Variants in PCDH9 observed in about 807,000 individuals in gnomAD.
The protein encoded by PCDH9 is protocadherin 9.
PCDH9 carries 24 observed loss-of-function variants against 70.6 expected under a neutral mutation model. That is an observed-to-expected ratio of 0.34 (90% CI 0.25 to 0.48). The LOEUF (loss-of-function observed/expected upper bound fraction) is 0.48. PCDH9 is among the 20% of genes least tolerant of loss of function. The pLI is 0.99. For synonymous variants in PCDH9, 562 were observed against 558.5 expected (o/e 1.01, Z -0.09); for missense variants, 1,281 against 1,503.6 (o/e 0.85, Z 2.45).
At chr13:67,139,796 C>A (rs1032621556) in intron 2 of PCDH9, among the ~76,000 whole-genome samples, 22 of 152,240 alleles carry the variant, frequency 1.4e-4, no homozygotes, top group Middle Eastern at 3.4e-3. Context: ...GAAATAAAGT[C>A]ATTATGTTTT....
At chr13:67,205,038 A>C (rs2089304894) in intron 2 of PCDH9, 1 of 152,236 alleles carries the variant, frequency 6.6e-6, no homozygotes, top group Admixed American at 6.5e-5. Flanking sequence ...TCTAAACATG[A>C]CTCTTTAAAC....
At chr13:66,989,665 G>T (rs1057011956) in intron 2 of PCDH9, among the ~76,000 whole-genome samples, 4 of 151,688 alleles carry the variant, frequency 2.6e-5, no homozygotes, top group Non-Finnish European at 1.5e-5. Context: ...ACGATCCTGT[G>T]TACTTGTGAA....
intron 3 of PCDH9, among the ~76,000 whole-genome samples, chr13:66,814,771 A>G (rs2080571146): frequency 6.6e-6 from 1 of 152,194 alleles, no homozygotes; most frequent in Non-Finnish European, 1.5e-5. Flanking sequence ...AGATATATTA[A>G]AGACTTAAAT....
intron 3 of PCDH9, among the ~76,000 whole-genome samples, chr13:66,771,470 A>G (rs908592902): frequency 5.9e-5 from 9 of 152,086 alleles, no homozygotes; most frequent in Non-Finnish European, 1.2e-4. Context: ...TTTACATTTG[A>G]CAAGAGAGGC....
rs530465176 is a variant in PCDH9 at position 67,131,276 on chromosome 13, G to A, written c.3036+94129C>T. On this transcript the variant is annotated intron_variant, in intron 2 of 4. Coordinates refer to ENST00000377865, the MANE Select transcript of PCDH9 (RefSeq NM_203487.3). ...TGTGAGGATTGTAGAAGAGATGAAA[G>A]AAATGGCTGTATTAGACAGTCCCAT... Among the ~76,000 whole-genome samples, 268 of 152,188 alleles carry A rather than the reference G, an allele frequency of 1.8e-3. 1 individual carries two copies. The highest frequency in any genetic ancestry group is 3.4e-3 in the Non-Finnish European group (228 of 68,010).
At chr13:66,429,279 A>C (rs1957727141) in intron 4 of PCDH9, among the ~76,000 whole-genome samples, 1 of 151,874 alleles carries the variant, frequency 6.6e-6, no homozygotes, top group Admixed American at 6.6e-5. Context: ...ACCCAAAAGA[A>C]TTCAGTGTAT....
At chr13:66,592,646 C>G (rs1212867039) in intron 4 of PCDH9, among the ~76,000 whole-genome samples, 1 of 151,644 alleles carries the variant, frequency 6.6e-6, no homozygotes, top group African/African-American at 2.4e-5. Flanking sequence ...GTGTTTTTTA[C>G]TATAACTGGT....
intron 3 of PCDH9, among the ~76,000 whole-genome samples, chr13:66,822,733 C>T (rs2080736185): frequency 6.6e-6 from 1 of 151,940 alleles, no homozygotes; most frequent in African/African-American, 2.4e-5. Flanking sequence ...ACCATGTTGG[C>T]CCCTGACCTA....
At chr13:67,107,758 A>G (rs560917942) in intron 2 of PCDH9, among the ~76,000 whole-genome samples, 2 of 152,308 alleles carry the variant, frequency 1.3e-5, no homozygotes, top group East Asian at 3.9e-4. Context: ...AACAGCTGTA[A>G]TACAAACAGG....
intron 3 of PCDH9, among the ~76,000 whole-genome samples, chr13:66,647,781 T>C (rs1185230098): frequency 6.6e-6 from 1 of 151,988 alleles, no homozygotes; most frequent in Non-Finnish European, 1.5e-5. Flanking sequence ...CATTGGCTGT[T>C]AGACAGCATT....
At chr13:66,959,931 A>G (rs1415315731) in intron 2 of PCDH9, among the ~76,000 whole-genome samples, 1 of 152,130 alleles carries the variant, frequency 6.6e-6, no homozygotes, top group African/African-American at 2.4e-5. Flanking sequence ...TTCTGAACCC[A>G]TTTAACTTCC....
chr13:66,680,051 G>A (rs1302741162), intron 3 of PCDH9, among the ~76,000 whole-genome samples: 3 of 151,872 alleles, frequency 2.0e-5, no homozygotes, highest in African/African-American at 7.2e-5. Flanking sequence ...GTGTTTAAGA[G>A]TTCAGATTCC....
intron 3 of PCDH9, among the ~76,000 whole-genome samples, chr13:66,684,294 T>C (rs1260128733): frequency 6.6e-6 from 1 of 152,170 alleles, no homozygotes; most frequent in African/African-American, 2.4e-5. Context: ...TTTAACCTAC[T>C]CTGATCGCTA....
intron 2 of PCDH9, among the ~76,000 whole-genome samples, chr13:67,192,657 ATAAC>A (rs1347740240): frequency 1.3e-5 from 2 of 152,202 alleles, no homozygotes; most frequent in Non-Finnish European, 2.9e-5. Context: ...GGAAGGCTGA[ATAAC>A]TAAGCACTGG....
intron 4 of PCDH9, among the ~76,000 whole-genome samples, chr13:66,450,595 A>G (rs1185020629): frequency 6.6e-6 from 1 of 152,240 alleles, no homozygotes; most frequent in Admixed American, 6.5e-5. Flanking sequence ...CATTTGAATA[A>G]TACAAGTAGT....
At position 67,185,818 on chromosome 13, in the gene PCDH9, C is replaced by T. The variant is rs986253436; in HGVS notation, c.3036+39587G>A. On this transcript the variant is annotated intron_variant, in intron 2 of 4. Coordinates refer to ENST00000377865, the MANE Select transcript of PCDH9 (RefSeq NM_203487.3). ...CACAATCTCAGCTCACTGCAATCTC[C>T]GCCTCCCGGATTCAAGCAGTTCTCC... Among the ~76,000 whole-genome samples the T allele has an allele frequency of 4.6e-5, 7 of 152,268 alleles. No homozygotes were observed. In the East Asian group the frequency reaches 1.2e-3, roughly 25 times the overall value.
At chr13:66,411,850 GTACCAAAGAA>G (rs1957376131) in intron 4 of PCDH9, among the ~76,000 whole-genome samples, 1 of 152,140 alleles carries the variant, frequency 6.6e-6, no homozygotes, top group African/African-American at 2.4e-5. Context: ...ACTTATGAAT[GTACCAAAGAA>G]TATCAAAATC....
chr13:66,832,511 C>T (rs1313247301), intron 3 of PCDH9, among the ~76,000 whole-genome samples: 1 of 152,010 alleles, frequency 6.6e-6, no homozygotes, highest in African/African-American at 2.4e-5. Flanking sequence ...TTTTCAAACA[C>T]ATCTATATAT....
At chr13:66,720,265 C>G (rs150240562) in intron 3 of PCDH9, among the ~76,000 whole-genome samples, 1 of 151,858 alleles carries the variant, frequency 6.6e-6, no homozygotes, top group African/African-American at 2.4e-5. Context: ...CCTGCCTCAG[C>G]CTCCTGAGTA....
Sources: gnomAD v4.1 joint callset for allele counts (sites outside exome capture counted in the v4.1 genomes callset) on GRCh38, gnomAD v4.1.1 for gene constraint, MANE v1.5 for transcripts, NCBI Gene and HGNC (gene_info 2026-07-23, HGNC 2026-07-21) for gene names.